Variants in DOCK1 observed in about 807,000 individuals in gnomAD.
DOCK1 encodes dedicator of cytokinesis 1.
Under a neutral mutation model 262.7 loss-of-function variants are expected in DOCK1, and 138 were observed. The observed-to-expected ratio is 0.53, with a 90% CI of 0.46 to 0.61. The LOEUF is 0.61. Ranked by LOEUF, DOCK1 falls within the 20% of genes least tolerant of loss-of-function variation. DOCK1 has a pLI of 0.00. For missense variants in DOCK1, 1,908 were observed against 2,370.7 expected (o/e 0.80, Z 4.05); for synonymous variants, 866 against 867.4 (o/e 1.00, Z 0.03).
intron 1 of DOCK1, among the ~76,000 whole-genome samples, chr10:126,956,419 C>G (rs1325002050): frequency 6.6e-6 from 1 of 152,128 alleles, no homozygotes; most frequent in Non-Finnish European, 1.5e-5. Flanking sequence ...AGTGACTGTA[C>G]CAGGTCCTGG....
Position 127,175,471 on chromosome 10 carries a change from G to A in DOCK1, c.2847+47707G>A, listed in dbSNP as rs1410435532. 1 of 1,609,910 alleles carries A rather than the reference G, an allele frequency of 6.2e-7. No homozygotes were observed. Among genetic ancestry groups the A allele is most frequent in the East Asian group, 2.2e-5 (1 of 44,872 alleles). On this transcript the variant is annotated intron_variant, in intron 27 of 51. Transcript: ENST00000623213. This position sits in a 1 kb window ranked among gnomAD's most constrained non-coding sequence, Gnocchi z 6.3. ...TCGGGGGACAGGCACTGCATCGGGG[G>A]TGAGCAGGCCAGGGCAGTTTCCGAG...
At chr10:127,367,403 G>T (rs2064981748) in intron 33 of DOCK1, among the ~76,000 whole-genome samples, 1 of 152,176 alleles carries the variant, frequency 6.6e-6, no homozygotes, top group African/African-American at 2.4e-5. Flanking sequence ...GCGGGATGGG[G>T]TGGCATGGAG....
intron 16 of DOCK1, among the ~76,000 whole-genome samples, chr10:127,028,003 G>C (rs1445072655): frequency 6.6e-6 from 1 of 151,256 alleles, no homozygotes; most frequent in Non-Finnish European, 1.5e-5. Flanking sequence ...CCTGGGATGT[G>C]GCTGACTGGA....
intron 43 of DOCK1, among the ~76,000 whole-genome samples, chr10:127,412,246 G>GC (rs2067901032): frequency 6.6e-6 from 1 of 152,142 alleles, no homozygotes; most frequent in African/African-American, 2.4e-5. Context: ...ACAGGCGTGA[G>GC]CCACCGCGCC....
At chr10:127,374,013 CT>C in intron 34 of DOCK1, 44 bp from the exon 35 acceptor site, 1 of 1,567,068 alleles carries the variant, frequency 6.4e-7, no homozygotes, top group Non-Finnish European at 8.6e-7. Flanking sequence ...TGTTGAGTTT[CT>C]TTTTCTGAGT....
intron 11 of DOCK1, among the ~76,000 whole-genome samples, chr10:127,009,875 C>T (rs11017785): frequency 0.046 from 6,976 of 152,166 alleles, 221 homozygotes; most frequent in Non-Finnish European, 0.069. Context: ...CAACCCCACC[C>T]GACTCCTCTG....
At chr10:127,135,782 T>C (rs1401966908) in intron 27 of DOCK1, 1 of 152,654 alleles carries the variant, frequency 6.6e-6, no homozygotes, top group Admixed American at 6.5e-5. Flanking sequence ...TTATTTTGTG[T>C]ACTAGGATGT....
intron 29 of DOCK1, among the ~76,000 whole-genome samples, chr10:127,315,165 T>A (rs2062221808): frequency 6.6e-6 from 1 of 151,908 alleles, no homozygotes; most frequent in African/African-American, 2.4e-5. Context: ...CCCTCCTCCG[T>A]GAGAGTGGGT....
chr10:127,370,289 G>A (rs1025809570), intron 33 of DOCK1, among the ~76,000 whole-genome samples: 3 of 152,168 alleles, frequency 2.0e-5, no homozygotes, highest in South Asian at 2.1e-4. Flanking sequence ...TTCTGCTAAT[G>A]TACTTAGCAG....
At chr10:126,940,585 G>T (rs2034909817) in intron 1 of DOCK1, among the ~76,000 whole-genome samples, 1 of 152,060 alleles carries the variant, frequency 6.6e-6, no homozygotes, top group Non-Finnish European at 1.5e-5. Context: ...TGTATTTTTA[G>T]TAGAGACGGA....
intron 29 of DOCK1, among the ~76,000 whole-genome samples, chr10:127,291,871 G>A (rs531663051): frequency 1.0e-3 from 152 of 152,268 alleles, no homozygotes; most frequent in African/African-American, 3.4e-3. Context: ...GTGGGTTTGC[G>A]GTAGGAAGGC....
chr10:127,111,945 C>A (rs2048892305), intron 25 of DOCK1, among the ~76,000 whole-genome samples: 1 of 151,712 alleles, frequency 6.6e-6, no homozygotes, highest in African/African-American at 2.4e-5. Context: ...ATTTCTGTTG[C>A]AAAACTTTGT....
intron 37 of DOCK1, among the ~76,000 whole-genome samples, chr10:127,383,175 A>G (rs1028387463): frequency 3.9e-5 from 6 of 152,192 alleles, no homozygotes; most frequent in African/African-American, 1.2e-4. Flanking sequence ...TTGGTTAGGC[A>G]TATCTTTCGT....
chr10:127,315,900 T>C (rs1320452979), intron 29 of DOCK1, among the ~76,000 whole-genome samples: 1 of 152,152 alleles, frequency 6.6e-6, no homozygotes, highest in Admixed American at 6.5e-5. Context: ...GGTTTCACCA[T>C]GTTGCCCAGG....
At chr10:127,164,047 C>T (rs550719595) in intron 27 of DOCK1, among the ~76,000 whole-genome samples, 3 of 151,460 alleles carry the variant, frequency 2.0e-5, no homozygotes, top group East Asian at 3.9e-4. Context: ...CAAAGCATCA[C>T]AGTTAGCAGG....
intron 38 of DOCK1, 39 bp from the exon 39 acceptor site, chr10:127,403,016 G>A (rs1174052373): frequency 6.4e-7 from 1 of 1,556,072 alleles, no homozygotes; most frequent in Non-Finnish European, 8.7e-7. Context: ...CACAATTCAG[G>A]CCTCGGCTTC....
chr10:127,227,181 C>G (rs547403255), intron 27 of DOCK1, among the ~76,000 whole-genome samples: 1 of 152,218 alleles, frequency 6.6e-6, no homozygotes, highest in African/African-American at 2.4e-5. Flanking sequence ...CTGTTCCTCA[C>G]CTGATGCCTG....
At chr10:127,229,827 T>G (rs1590039926) in intron 27 of DOCK1, among the ~76,000 whole-genome samples, 1 of 152,186 alleles carries the variant, frequency 6.6e-6, no homozygotes, top group African/African-American at 2.4e-5. Flanking sequence ...GTAATGGCTG[T>G]TTACAAATTT....
intron 1 of DOCK1, among the ~76,000 whole-genome samples, chr10:126,950,170 TC>T (rs1420867865): frequency 6.6e-6 from 1 of 152,122 alleles, no homozygotes; most frequent in Non-Finnish European, 1.5e-5. Context: ...CAGTGGCTGT[TC>T]CATGGTAAGG....
Sources: allele counts gnomAD v4.1 joint callset (sites outside exome capture counted in the v4.1 genomes callset), GRCh38; gene constraint gnomAD v4.1.1; non-coding constraint Gnocchi (gnomAD v3.1); transcripts MANE v1.5; gene names NCBI Gene and HGNC (gene_info 2026-07-23, HGNC 2026-07-21).